Variants in CACHD1 observed in about 807,000 individuals in gnomAD.
CACHD1 encodes the protein VWFA and cache domain-containing protein 1.
In CACHD1, 71 loss-of-function variants were observed where a neutral mutation model predicts 138.7. The ratio of observed to expected loss-of-function variants is 0.51; its 90% CI spans 0.42 to 0.62. CACHD1 has a LOEUF of 0.62. CACHD1 is among the 20% of genes least tolerant of loss of function. The pLI, the probability that CACHD1 is intolerant of heterozygous loss-of-function variation, is 0.00. For missense variants in CACHD1, 1,389 were observed against 1,625.3 expected (o/e 0.85, Z 2.50); for synonymous variants, 578 against 591.5 (o/e 0.98, Z 0.33).
Position 64,651,160 on chromosome 1 carries a change from A to T in CACHD1, c.1391-1001A>T, listed in dbSNP as rs1045935013. 4.6e-5 allele frequency among the ~76,000 whole-genome samples: 7 copies of T among 152,128 alleles called. No homozygotes were observed. The East Asian group carries it at 7.8e-4, about 17-fold the overall frequency. On this transcript the variant is annotated intron_variant, in intron 9 of 26. Transcript: ENST00000651257. ...ATATTTTGAAAAGGTTATTTTTTAT[A>T]AAAAAACAACAACAAAAATTATGCA...
chr1:64,630,325 G>A (rs1375562188), intron 5 of CACHD1, among the ~76,000 whole-genome samples: 1 of 143,916 alleles, frequency 6.9e-6, no homozygotes, highest in Non-Finnish European at 1.5e-5. Flanking sequence ...TTCCTGAGAT[G>A]GAGTTTTGCT....
chr1:64,484,314 G>C (rs1188063287), intron 1 of CACHD1, among the ~76,000 whole-genome samples: 1 of 151,902 alleles, frequency 6.6e-6, no homozygotes, highest in Non-Finnish European at 1.5e-5. Flanking sequence ...CCAGGGGAGC[G>C]GTTTAGGGGG....
chr1:64,581,418 C>G (rs1430287052), intron 2 of CACHD1, among the ~76,000 whole-genome samples: 1 of 152,098 alleles, frequency 6.6e-6, no homozygotes, highest in Non-Finnish European at 1.5e-5. Context: ...CCTTGGAGAT[C>G]TTTGATGAAG....
intron 4 of CACHD1, among the ~76,000 whole-genome samples, chr1:64,622,251 A>G (rs562472929): frequency 2.0e-5 from 3 of 152,308 alleles, no homozygotes; most frequent in South Asian, 4.1e-4. Context: ...CTTATCTAAC[A>G]TATGCTATTT....
chr1:64,483,432 C>G (rs1646222935), intron 1 of CACHD1, among the ~76,000 whole-genome samples: 1 of 152,048 alleles, frequency 6.6e-6, no homozygotes, highest in African/African-American at 2.4e-5. Context: ...GGTTCCTACT[C>G]TTATGAAATA....
At chr1:64,665,897 G>A (rs1265023234) in intron 15 of CACHD1, among the ~76,000 whole-genome samples, 160 bp from the exon 16 acceptor site, 1 of 152,072 alleles carries the variant, frequency 6.6e-6, no homozygotes, top group Non-Finnish European at 1.5e-5. Context: ...CCAGCTACTT[G>A]GAGAGGCTGA....
chr1:64,551,532 A>G (rs1289097323), intron 2 of CACHD1, among the ~76,000 whole-genome samples: 2 of 152,246 alleles, frequency 1.3e-5, no homozygotes, highest in Non-Finnish European at 2.9e-5. Context: ...GCTAAAAACC[A>G]GAGTGTAGCA....
At chr1:64,678,432 G>C in intron 23 of CACHD1, 122 bp downstream of exon 23, 1 of 1,029,352 alleles carries the variant, frequency 9.7e-7, no homozygotes, top group Non-Finnish European at 1.3e-6. Context: ...GTAGTCTTTA[G>C]TTACAAAACC....
rs1168709928 is a variant in CACHD1, at chr1:64,667,036, C to A, written c.2387+869C>A. Among the ~76,000 whole-genome samples, 8 of 151,846 alleles carry A rather than the reference C, an allele frequency of 5.3e-5. No homozygotes were observed. In the East Asian group the frequency reaches 1.5e-3, roughly 29 times the overall value. On this transcript the variant is annotated intron_variant, in intron 16 of 26. Coordinates refer to ENST00000651257, the MANE Select transcript of CACHD1 (RefSeq NM_020925.4). ...AAGGCTTTTTGAAAATTGATTTTCC[C>A]AGAATGCTATATCAATATCACTGGA...
intron 26 of CACHD1, among the ~76,000 whole-genome samples, chr1:64,682,665 T>C (rs1213784225): frequency 7.2e-5 from 11 of 152,190 alleles, no homozygotes; most frequent in African/African-American, 2.7e-4. Flanking sequence ...GCCTGTAAGA[T>C]GCTCAGGAAG....
intron 3 of CACHD1, among the ~76,000 whole-genome samples, chr1:64,594,570 T>C (rs1485071575): frequency 1.3e-5 from 2 of 152,212 alleles, no homozygotes; most frequent in Admixed American, 6.5e-5. Context: ...AGTACCCTTA[T>C]AGCAGAAAGC....
rs74971980 is a variant in CACHD1, at chr1:64,561,701, C to T, written c.261+11045C>T. Among the ~76,000 whole-genome samples the T allele has an allele frequency of 0.014, 145 of 10,408 alleles. 1 individual carries two copies. The South Asian group carries it at 0.14, about 10-fold the overall frequency. The allele number at this position is 10,408 out of a possible 152,430, so 6.8% of individuals were successfully genotyped here. A position where few individuals can be genotyped will look rare whatever the true frequency, so the allele number is the denominator to read the frequency against. The stretch of plus-strand genomic sequence containing the variant: ...GACACCCATTGTCTACAATTTTTTT[C>T]TTTTTAATTAGCTAGGAGTGGTGGC... On this transcript the variant is annotated intron_variant, in intron 2 of 26. Coordinates refer to ENST00000651257, the MANE Select transcript of CACHD1 (RefSeq NM_020925.4).
At chr1:64,606,005 G>A (rs1647325123) in intron 4 of CACHD1, among the ~76,000 whole-genome samples, 1 of 152,024 alleles carries the variant, frequency 6.6e-6, no homozygotes, top group African/African-American at 2.4e-5. Flanking sequence ...TCTCCTACCT[G>A]TTAAGTGGAA....
chr1:64,527,127 T>C (rs1254219558), intron 1 of CACHD1, among the ~76,000 whole-genome samples: 1 of 152,168 alleles, frequency 6.6e-6, no homozygotes, highest in East Asian at 1.9e-4. Flanking sequence ...AAAAATAACT[T>C]GATTCTTACT....
rs1648965432 is a variant in CACHD1 at position 64,647,928 on chromosome 1, G to A, written c.1284G>A (p.Gln428=). The part of the protein sequence containing the change: ...VIKGSMMVLN[Q]LSNLETTVGR... ...AGGGCAGCATGATGGTGCTGAATCA[G>A]TTGAGCAACCTGGAGACCACAGTGG... Residue 428 remains glutamine (Q), a synonymous_variant, in exon 9 of 27, where the codon CAG becomes CAA. Transcript: ENST00000651257. 8 of 1,613,998 alleles carry A rather than the reference G, an allele frequency of 5.0e-6. No homozygotes were observed. The highest frequency in any genetic ancestry group is 1.1e-5 in the South Asian group (1 of 91,078).
intron 2 of CACHD1, among the ~76,000 whole-genome samples, chr1:64,570,638 C>A (rs4915671): frequency 0.062 from 9,499 of 152,176 alleles, 334 homozygotes; most frequent in Middle Eastern, 0.071. Context: ...CCTAAATCCA[C>A]CTGTGACTTA....
chr1:64,679,492 G>A (rs1003509740), intron 23 of CACHD1, 103 bp from the exon 24 acceptor site: 79 of 1,310,356 alleles, frequency 6.0e-5, no homozygotes, highest in African/African-American at 1.6e-4. Flanking sequence ...TTTATCTTCC[G>A]CCAACCCCCT....
intron 22 of CACHD1, among the ~76,000 whole-genome samples, chr1:64,677,440 G>T (rs116530939): frequency 6.6e-6 from 1 of 152,178 alleles, no homozygotes; most frequent in Admixed American, 6.5e-5. Context: ...TCCTCAGGTG[G>T]GATTAGGAGT....
At chr1:64,616,885 G>A (rs1326385380) in intron 4 of CACHD1, among the ~76,000 whole-genome samples, 2 of 152,182 alleles carry the variant, frequency 1.3e-5, no homozygotes, top group African/African-American at 4.8e-5. Flanking sequence ...ATGGCAAGAA[G>A]TAGAGAATCG....
Sources: gnomAD v4.1 joint callset for allele counts (sites outside exome capture counted in the v4.1 genomes callset) on GRCh38, gnomAD v4.1.1 for gene constraint, MANE v1.5 for transcripts, NCBI Gene and HGNC (gene_info 2026-07-23, HGNC 2026-07-21) for gene names.